Variants in PHACTR1 observed in about 807,000 individuals in gnomAD.
PHACTR1 encodes the protein RPEL repeat containing 1.
In PHACTR1, 16 loss-of-function variants were observed where a neutral mutation model predicts 69.2. That is an observed-to-expected ratio of 0.23 (90% CI 0.16 to 0.35). The LOEUF (loss-of-function observed/expected upper bound fraction) is 0.35, where lower values mean the gene tolerates loss of function less well. PHACTR1 is among the 10% of genes least tolerant of loss of function. The pLI, the probability that PHACTR1 is intolerant of heterozygous loss-of-function variation, is 1.00. For missense variants in PHACTR1, 510 were observed against 734.7 expected, an observed-to-expected ratio of 0.69 and a Z score of 3.54; for synonymous variants, 312 against 284.5, an observed-to-expected ratio of 1.10 and a Z score of -0.97.
intron 9 of PHACTR1, among the ~76,000 whole-genome samples, chr6:13,229,649 A>G (rs759377600): frequency 4.0e-5 from 6 of 151,768 alleles, no homozygotes; most frequent in Non-Finnish European, 8.8e-5. Context: ...TGCCTGTTGG[A>G]CTCTCATCTC....
At chr6:12,957,976 C>A (rs1792113152) in intron 4 of PHACTR1, 1 of 985,396 alleles carries the variant, frequency 1.0e-6, no homozygotes, top group East Asian at 1.1e-4. Context: ...ATTGGAAAGC[C>A]AGGAAACAGA....
At chr6:12,861,436 A>G (rs1258972339) in intron 4 of PHACTR1, among the ~76,000 whole-genome samples, 1 of 152,230 alleles carries the variant, frequency 6.6e-6, no homozygotes. Flanking sequence ...TATAAACCTC[A>G]AGTTAAGACA....
chr6:12,743,399 C>A (rs1321621961), intron 3 of PHACTR1, among the ~76,000 whole-genome samples: 1 of 152,130 alleles, frequency 6.6e-6, no homozygotes, highest in Non-Finnish European at 1.5e-5. Context: ...GAATAATTAC[C>A]TTTCACATAG....
intron 5 of PHACTR1, among the ~76,000 whole-genome samples, chr6:13,072,797 G>A (rs1472694108): frequency 6.6e-6 from 1 of 151,996 alleles, no homozygotes; most frequent in African/African-American, 2.4e-5. Context: ...TGGTTTTATG[G>A]GCCCTTGCTT....
At chr6:12,838,909 G>A (rs1011482255) in intron 4 of PHACTR1, among the ~76,000 whole-genome samples, 2 of 152,124 alleles carry the variant, frequency 1.3e-5, no homozygotes, top group Non-Finnish European at 2.9e-5. Flanking sequence ...GGAAAATGTT[G>A]GGGTCTTTAA....
At chr6:13,167,744 T>TCCTTAATCAGGTTGGAGCAA (rs1315187285) in intron 6 of PHACTR1, among the ~76,000 whole-genome samples, 1 of 152,232 alleles carries the variant, frequency 6.6e-6, no homozygotes, top group Non-Finnish European at 1.5e-5. Context: ...TATGTTTTTT[T>TCCTTAATCAGGTTGGAGCAA]CCTTAATCAG....
intron 5 of PHACTR1, among the ~76,000 whole-genome samples, chr6:13,143,117 A>G (rs1822759351): frequency 1.1e-4 from 17 of 152,222 alleles, no homozygotes; most frequent in Admixed American, 1.1e-3. Context: ...AATGATGGTT[A>G]CCAGAGGCTG....
At chr6:13,077,160 T>C (rs1223603251) in intron 5 of PHACTR1, among the ~76,000 whole-genome samples, 3 of 139,732 alleles carry the variant, frequency 2.1e-5, no homozygotes, top group Non-Finnish European at 4.6e-5. Context: ...CATTAAAAGA[T>C]GAAATGATGC....
chr6:13,163,575 T>A (rs1205854069), intron 6 of PHACTR1, among the ~76,000 whole-genome samples: 1 of 152,178 alleles, frequency 6.6e-6, no homozygotes, highest in East Asian at 1.9e-4. Flanking sequence ...TCGTTGCACA[T>A]AGTAGTGTAT....
At chr6:13,162,774 G>A (rs1432763017) in intron 6 of PHACTR1, among the ~76,000 whole-genome samples, 1 of 152,134 alleles carries the variant, frequency 6.6e-6, no homozygotes, top group Non-Finnish European at 1.5e-5. Context: ...GATAGGGAAA[G>A]AAACAGGATC....
chr6:13,199,149 A>G (rs1037876227), intron 7 of PHACTR1, among the ~76,000 whole-genome samples: 1 of 152,166 alleles, frequency 6.6e-6, no homozygotes, highest in African/African-American at 2.4e-5. Flanking sequence ...GCACTTTGGG[A>G]GGCCAAGGCA....
intron 4 of PHACTR1, among the ~76,000 whole-genome samples, chr6:12,819,255 A>G (rs989150739): frequency 1.3e-5 from 2 of 152,206 alleles, no homozygotes; most frequent in African/African-American, 4.8e-5. Context: ...GATAATGGGC[A>G]TTATGTAATT....
intron 5 of PHACTR1, among the ~76,000 whole-genome samples, chr6:13,063,786 A>C (rs1237034437): frequency 3.3e-5 from 5 of 152,002 alleles, no homozygotes; most frequent in African/African-American, 7.3e-5. Flanking sequence ...TCTGAAAAAA[A>C]AAAAAAATTA....
At chr6:12,897,204 A>G (rs182809936) in intron 4 of PHACTR1, among the ~76,000 whole-genome samples, 16 of 152,326 alleles carry the variant, frequency 1.1e-4, no homozygotes, top group Admixed American at 3.3e-4. Context: ...GGACATGGAA[A>G]ATATGTCATA....
At chr6:12,848,536 AGG>A in intron 4 of PHACTR1, among the ~76,000 whole-genome samples, 1 of 152,314 alleles carries the variant, frequency 6.6e-6, no homozygotes, top group Middle Eastern at 3.4e-3. Context: ...TCTAGAAAGG[AGG>A]GGAGGGGCAT....
intron 4 of PHACTR1, among the ~76,000 whole-genome samples, chr6:12,952,859 C>G (rs1791451182): frequency 6.6e-6 from 1 of 152,144 alleles, no homozygotes; most frequent in Non-Finnish European, 1.5e-5. Context: ...CCTGTCCTTG[C>G]CAGCATTGGA....
In PHACTR1 at chr6:13,062,553, G is replaced by T. The variant is rs567847456; in HGVS notation, c.415+9024G>T. On this transcript the variant is annotated intron_variant, in intron 5 of 14. Transcript: ENST00000332995. ...TAAAACTCCTTGGATAGTCAAGGCA[G>T]TCTACACTGGATTCTGCCTTTGGAC... 2.0e-5 allele frequency among the ~76,000 whole-genome samples: 3 copies of T among 152,192 alleles called. No homozygotes were observed. The South Asian group carries it at 6.2e-4, about 32-fold the overall frequency.
At chr6:12,740,721 A>T (rs1160619561) in intron 3 of PHACTR1, among the ~76,000 whole-genome samples, 1 of 150,232 alleles carries the variant, frequency 6.7e-6, no homozygotes, top group African/African-American at 2.4e-5. Context: ...TGTCTTTCTC[A>T]TTTTTTTTCT....
intron 3 of PHACTR1, among the ~76,000 whole-genome samples, chr6:12,731,677 T>A (rs1763544226): frequency 1.3e-5 from 2 of 152,192 alleles, no homozygotes; most frequent in South Asian, 4.1e-4. Context: ...AGAGATGAAG[T>A]AATCTATGTT....
Sources: gnomAD v4.1 joint callset for allele counts (sites outside exome capture counted in the v4.1 genomes callset) on GRCh38, gnomAD v4.1.1 for gene constraint, MANE v1.5 for transcripts, NCBI Gene and HGNC (gene_info 2026-07-23, HGNC 2026-07-21) for gene names.